MED23: variants seen among roughly 807,000 people sequenced by gnomAD.
MED23 encodes the protein mediator of RNA polymerase II transcription subunit 23.
Under a neutral mutation model 163.9 loss-of-function variants are expected in MED23, and 105 were observed. The observed-to-expected ratio is 0.64, with a 90% CI of 0.55 to 0.75. The LOEUF (loss-of-function observed/expected upper bound fraction) is 0.75, where lower values mean the gene tolerates loss of function less well. MED23 is among the 30% of genes least tolerant of loss of function. MED23 has a pLI of 0.00. For synonymous variants in MED23, 561 were observed against 565.6 expected (o/e 0.99, Z 0.12); for missense variants, 1,054 against 1,649.0 (o/e 0.64, Z 6.25).
chr6:131,596,490 T>G (rs1775058347), intron 21 of MED23, 28 bp downstream of exon 21: 1 of 1,612,416 alleles, frequency 6.2e-7, no homozygotes, highest in Non-Finnish European at 8.5e-7. Context: ...TTAAAAGGAC[T>G]ATTTGAAATA....
chr6:131,593,301 T>A, intron 23 of MED23, 130 bp from the exon 24 acceptor site: 1 of 1,096,436 alleles, frequency 9.1e-7, no homozygotes, highest in Non-Finnish European at 1.4e-6. Context: ...CAAATACAAA[T>A]GAGTTTGACA....
At position 131,593,122 on chromosome 6, in the gene MED23, G is replaced by A. The variant is rs1238309123; in HGVS notation, c.3282C>T (p.Phe1094=). The A allele has an allele frequency of 6.2e-7, 1 of 1,614,192 alleles. No homozygotes were observed. The highest frequency in any genetic ancestry group is 8.5e-7 in the Non-Finnish European group (1 of 1,180,034). Residue 1094 remains phenylalanine (F), a synonymous_variant, in exon 24 of 29, where the codon TTC becomes TTT. Coordinates refer to ENST00000368068, the MANE Select transcript of MED23 (RefSeq NM_004830.4). The stretch of plus-strand genomic sequence containing the variant: ...GGGCAGCTGGGTTGGGAAACTCATT[G>A]AATCTCCAGTCACAGTTTGGAAAGG... ...PGPFPNCDWR[F]NEFPNPAAHA...
At chr6:131,596,855 C>A (rs1775087720) in intron 20 of MED23, among the ~76,000 whole-genome samples, 167 bp from the exon 21 acceptor site, 1 of 152,178 alleles carries the variant, frequency 6.6e-6, no homozygotes, top group South Asian at 2.1e-4. Context: ...ACATATATGA[C>A]CTTTCTTGCC....
intron 27 of MED23, 145 bp from the exon 28 acceptor site, chr6:131,589,741 A>T: frequency 2.7e-6 from 2 of 748,122 alleles, no homozygotes; most frequent in Admixed American, 2.1e-5. Flanking sequence ...ACCTCTATGC[A>T]CATGAGATAT....
intron 3 of MED23, among the ~76,000 whole-genome samples, chr6:131,625,966 C>CA (rs1469269389): frequency 6.6e-6 from 1 of 151,094 alleles, no homozygotes; most frequent in Admixed American, 6.6e-5. Context: ...ACTAAAAATA[C>CA]AAAAAATGAG....
intron 25 of MED23, 64 bp downstream of exon 25, chr6:131,592,324 T>C (rs888653987): frequency 9.0e-6 from 13 of 1,442,970 alleles, no homozygotes; most frequent in Non-Finnish European, 1.3e-5. Flanking sequence ...TCTTTTTCTT[T>C]TTGCTGACAT....
intron 13 of MED23, 90 bp downstream of exon 13, chr6:131,606,389 A>G: frequency 6.9e-7 from 1 of 1,448,602 alleles, no homozygotes; most frequent in Non-Finnish European, 9.6e-7. Flanking sequence ...GGAGATTTCC[A>G]AATTTCACAC....
chr6:131,619,927 T>C (rs777504763), intron 7 of MED23, 31 bp from the exon 8 acceptor site: 8 of 1,451,682 alleles, frequency 5.5e-6, no homozygotes, highest in Non-Finnish European at 6.8e-6. Flanking sequence ...GGAAGTCAAA[T>C]AAATACGTAC....
chr6:131,622,776 C>G (rs368377005), intron 5 of MED23, among the ~76,000 whole-genome samples: 18 of 152,130 alleles, frequency 1.2e-4, no homozygotes, highest in African/African-American at 4.1e-4. Context: ...AGAGAAAATG[C>G]AGAAATAAAG....
intron 14 of MED23, 23 bp downstream of exon 14, chr6:131,605,217 C>T: frequency 6.2e-7 from 1 of 1,612,054 alleles, no homozygotes; most frequent in Non-Finnish European, 8.5e-7. Flanking sequence ...TGACATGGAA[C>T]CAAATTAATA....
At chr6:131,576,845 G>A (rs1026944731) in intron 30 of MED23, 17 of 981,892 alleles carry the variant, frequency 1.7e-5, no homozygotes, top group Non-Finnish European at 2.6e-5. Context: ...CAGAATTGCG[G>A]TACTGGTTAC....
At chr6:131,628,306 C>A, upstream of MED23, 1 of 536,672 alleles carries the variant, frequency 1.9e-6, no homozygotes, top group Non-Finnish European at 3.4e-6. Flanking sequence ...CCAGAAGGTT[C>A]CGTCTGTGGA....
intron 28 of MED23, among the ~76,000 whole-genome samples, chr6:131,589,091 C>T (rs1341837111): frequency 6.6e-6 from 1 of 152,138 alleles, no homozygotes; most frequent in Admixed American, 6.5e-5. Context: ...TCTACTGTCA[C>T]CATGAGTGTC....
chr6:131,597,755 C>T (rs150842952), intron 20 of MED23, among the ~76,000 whole-genome samples: 2 of 152,170 alleles, frequency 1.3e-5, no homozygotes, highest in Non-Finnish European at 2.9e-5. Context: ...ACATAGAACA[C>T]AGTTGATATT....
intron 9 of MED23, 22 bp downstream of exon 9, chr6:131,618,385 G>A: frequency 6.7e-7 from 1 of 1,495,110 alleles, no homozygotes; most frequent in South Asian, 1.1e-5. Context: ...GACTAAAAGT[G>A]CCATTATATT....
rs1387176383 is a variant in MED23 at position 131,605,366 on chromosome 6, A to C, written c.1487T>G (p.Val496Gly). 6.2e-7 allele frequency: 1 copy of C among 1,613,426 alleles called. No individual in the cohort carries two copies. Among genetic ancestry groups the C allele is most frequent in the Non-Finnish European group, 8.5e-7 (1 of 1,179,728 alleles). Residue 496 changes from valine (V) to glycine (G), a missense_variant, in exon 14 of 29, where the codon GTA (valine) becomes GGA (glycine). Physicochemically the swap from Val to Gly is moderately radical, Grantham distance 109 (BLOSUM62 -3). Transcript: ENST00000368068. ...AATTCCATTTCCATAAATAGTTTCT[A>C]CCAGAGCTCCCATGGGTAATGTAAA... is the stretch of plus-strand genomic sequence containing the variant. ...ECFTLPMGAL[V>G]ETIYGNGIMR... is the part of the protein sequence containing the mutation.
exon 31 of MED23, chr6:131,574,133 C>G (rs1773500479): frequency 1.2e-6 from 1 of 849,916 alleles, no homozygotes. Flanking sequence ...TAGACTTCAA[C>G]ACGCATCTGT....
At chr6:131,578,156 A>G (rs1465724348) in intron 30 of MED23, among the ~76,000 whole-genome samples, 1 of 150,288 alleles carries the variant, frequency 6.7e-6, no homozygotes, top group East Asian at 2.0e-4. Context: ...AGTGAGTTTT[A>G]GTGAACAAGA....
chr6:131,583,485 A>C (rs776782905), downstream of MED23: 1 of 1,614,116 alleles, frequency 6.2e-7, no homozygotes, highest in Non-Finnish European at 8.5e-7. Flanking sequence ...AGAAATCTAC[A>C]AAACAGGTAG....
Sources: gnomAD v4.1 joint callset for allele counts (sites outside exome capture counted in the v4.1 genomes callset) on GRCh38, gnomAD v4.1.1 for gene constraint, MANE v1.5 for transcripts, NCBI Gene and HGNC (gene_info 2026-07-23, HGNC 2026-07-21) for gene names.